The following FIZ1 variants were observed in gnomAD, a reference collection of about 807,000 sequenced individuals.
FIZ1 encodes the protein FLT3 interacting zinc finger 1, also known as flt3-interacting zinc finger protein 1.
In FIZ1, 2 loss-of-function variants were observed where a neutral mutation model predicts 5.3. The observed-to-expected ratio is 0.37, with a 90% CI of 0.15 to 1.18. FIZ1 has a LOEUF of 1.18. Ranked by LOEUF, FIZ1 falls within the 50% of genes most tolerant of loss-of-function variation. The pLI, the probability that FIZ1 is intolerant of heterozygous loss-of-function variation, is 0.37. For synonymous variants in FIZ1, 407 were observed against 364.2 expected (o/e 1.12, Z -1.34); for missense variants, 631 against 749.7 (o/e 0.84, Z 1.85).
At position 55,592,650 on chromosome 19, in the gene FIZ1, G is replaced by A. The variant is rs1222917710; in HGVS notation, c.1291C>T (p.Arg431Trp). The A allele has an allele frequency of 2.5e-6, 4 of 1,613,504 alleles. No homozygotes were observed. Among genetic ancestry groups the A allele is most frequent in the East Asian group, 2.2e-5 (1 of 44,870 alleles). The change falls in exon 3 of 3, where the codon CGG becomes TGG. Residue 431 changes from arginine (R) to tryptophan (W), a missense_variant. By Grantham distance (101) the Arg-to-Trp change is moderately radical (BLOSUM62 -3). Coordinates refer to ENST00000221665, the MANE Select transcript of FIZ1 (RefSeq NM_032836.3). This position sits in a 1 kb window ranked among gnomAD's most constrained non-coding sequence, Gnocchi z 6.9. Reference sequence around the variant, plus strand: ...TCGCCAGTGTGCACCAGCACGTGCCGCTCCAGGTCTCGCGGTGAGCGGAAC... The same window carrying A: ...TCGCCAGTGTGCACCAGCACGTGCCACTCCAGGTCTCGCGGTGAGCGGAAC... ...KLFRSPRDLE[R>W]HVLVHTGEKP...
chr19:55,594,322 C>T (rs537961912), intron 2 of FIZ1, among the ~76,000 whole-genome samples: 2 of 150,556 alleles, frequency 1.3e-5, no homozygotes, highest in East Asian at 2.0e-4. Flanking sequence ...TCACTTGAAC[C>T]CGGGAGGTGG....
In FIZ1 at chr19:55,597,733, G is replaced by A; in HGVS notation, c.133C>T (p.His45Tyr). The change falls in exon 2 of 3, where the codon CAC (histidine) becomes TAC (tyrosine). Residue 45 changes from histidine to tyrosine, a missense_variant. Coordinates refer to ENST00000221665, the MANE Select transcript of FIZ1 (RefSeq NM_032836.3). ...CATGCGTGGGGCTTGAGCGCTGTGT[G>A]CCGGGCAAAGTGGCGCCGCAGGTCT... ...RSDLRRHFARHTALKPHACPR... is the reference protein window; with the variant it reads ...RSDLRRHFARYTALKPHACPR... 1 of 1,614,034 alleles carries A rather than the reference G, an allele frequency of 6.2e-7. No individual in the cohort carries two copies. The highest frequency in any genetic ancestry group is 1.7e-5 in the Admixed American group (1 of 60,018).
intron 2 of FIZ1, among the ~76,000 whole-genome samples, chr19:55,594,025 C>G (rs560724513): frequency 6.6e-6 from 1 of 152,012 alleles, no homozygotes; most frequent in Admixed American, 6.5e-5. Flanking sequence ...AAGTTTGAGG[C>G]TGCAGTAAGC....
In FIZ1 at chr19:55,592,930, G is replaced by C; in HGVS notation, c.1011C>G (p.Thr337=). The change falls in exon 3 of 3, where the codon ACC becomes ACG. Residue 337 remains threonine (T), a synonymous_variant. Coordinates refer to ENST00000221665, the MANE Select transcript of FIZ1 (RefSeq NM_032836.3). This position sits in a 1 kb window ranked among gnomAD's most constrained non-coding sequence, Gnocchi z 6.9. Reference sequence around the variant, plus strand: ...CCAGGGCCGCGGCCGACGCAAAGAAGGTCCCGCAGTCGCACTGGTACAGGG... The same window carrying C: ...CCAGGGCCGCGGCCGACGCAAAGAACGTCCCGCAGTCGCACTGGTACAGGG... ...EDTLYQCDCG[T]FFASAAALAS... 1 of 1,555,868 alleles carries C rather than the reference G, an allele frequency of 6.4e-7. No homozygotes were observed. The highest frequency in any genetic ancestry group is 1.7e-4 in the Middle Eastern group (1 of 5,824).
intron 1 of FIZ1, 141 bp from the exon 2 acceptor site, chr19:55,598,042 T>A: frequency 2.0e-6 from 2 of 993,940 alleles, no homozygotes; most frequent in Non-Finnish European, 2.9e-6. Flanking sequence ...CATTGTTCTT[T>A]AAAATCCTCC....
intron 2 of FIZ1, among the ~76,000 whole-genome samples, chr19:55,596,314 T>C (rs1980323738): frequency 6.6e-6 from 1 of 151,910 alleles, no homozygotes; most frequent in Admixed American, 6.6e-5. Flanking sequence ...CCAAGGCAGA[T>C]GCATGGGGAC....
At position 55,592,698 on chromosome 19, in the gene FIZ1, C is replaced by A; in HGVS notation, c.1243G>T (p.Gly415Cys). The A allele has an allele frequency of 6.2e-7, 1 of 1,613,068 alleles. No individual in the cohort carries two copies. The highest frequency in any genetic ancestry group is 2.2e-5 in the East Asian group (1 of 44,852). ...SGSGRGKKIFGCSECEKLFRS... is the reference protein window; with the variant it reads ...SGSGRGKKIFCCSECEKLFRS... ...AACAGCTTCTCGCACTCGGAGCAGC[C>A]GAAGATCTTCTTGCCGCGGCCGGAG... The change falls in exon 3 of 3, where the codon GGC (glycine) becomes TGC (cysteine). Residue 415 changes from glycine to cysteine, a missense_variant. Physicochemically the swap from Gly to Cys is radical, Grantham distance 159. This residue lies in a region of FIZ1 where 463 missense variants were observed against 455.1 expected (regional missense o/e 1.02). Transcript: ENST00000221665. This position sits in a 1 kb window ranked among gnomAD's most constrained non-coding sequence, Gnocchi z 6.9.
chr19:55,592,270 C>T lies in FIZ1; in HGVS notation c.*180G>A. The stretch of plus-strand genomic sequence containing the variant: ...ACCCTGTTTGTTTGTGGTCCCCCAG[C>T]TCCGGGGCCTTTGTGGGTTTTTGGT... On this transcript the variant is annotated 3_prime_UTR_variant, in exon 3 of 3. Transcript: ENST00000221665. The surrounding 1 kb of genome is among the most constrained non-coding windows in gnomAD (Gnocchi z 6.9). 1 of 657,776 alleles carries T rather than the reference C, an allele frequency of 1.5e-6. No homozygotes were observed. The highest frequency in any genetic ancestry group is 2.9e-5 in the East Asian group (1 of 34,106). The allele number at this position is 657,776 out of a possible 1,614,324, so 40.7% of individuals were successfully genotyped here. A position where few individuals can be genotyped will look rare whatever the true frequency, so the allele number is the denominator to read the frequency against.
Position 55,592,155 on chromosome 19 carries a change from C to A in FIZ1, c.*295G>T. The A allele has an allele frequency of 2.3e-6, 1 of 443,996 alleles. No homozygotes were observed. The allele number at this position is 443,996 out of a possible 1,614,324, so 27.5% of individuals were successfully genotyped here. ...ATTGCTCACTGCAAAGTCCCCATGT[C>A]TTGGGGACTTACGGCTACCCACACT... On this transcript the variant is annotated 3_prime_UTR_variant, in exon 3 of 3. Transcript: ENST00000221665. The surrounding 1 kb of genome is among the most constrained non-coding windows in gnomAD (Gnocchi z 6.9).
In FIZ1 at chr19:55,593,416, C is replaced by T; in HGVS notation, c.525G>A (p.Glu175=). 2 of 1,501,496 alleles carry T rather than the reference C, an allele frequency of 1.3e-6. No individual in the cohort carries two copies. 93.0% of individuals were successfully genotyped at this position (1,501,496 alleles called of 1,614,324 possible). The change falls in exon 3 of 3, where the codon GAG becomes GAA. Residue 175 remains glutamate (E), a synonymous_variant. Coordinates refer to ENST00000221665, the MANE Select transcript of FIZ1 (RefSeq NM_032836.3). This position sits in a 1 kb window ranked among gnomAD's most constrained non-coding sequence, Gnocchi z 6.3. ...AGCTGCCCAGACCCGCGCCTGCCCCCTCGGGGCCCTCTCCGCCGCCGGCCC... is the reference window on the plus strand; with the variant it reads ...AGCTGCCCAGACCCGCGCCTGCCCCTTCGGGGCCCTCTCCGCCGCCGGCCC... ...GSGAGGGEGP[E]GAGAGLGSWG...
intron 2 of FIZ1, among the ~76,000 whole-genome samples, chr19:55,597,365 C>A (rs1302172716): frequency 2.0e-5 from 3 of 152,074 alleles, no homozygotes; most frequent in Admixed American, 2.0e-4. Flanking sequence ...TGTTCCAGTT[C>A]GTGGGTTGCT....
In FIZ1 at chr19:55,597,801, G is replaced by C; in HGVS notation, c.65C>G (p.Pro22Arg). ...APPAAAAPRV[P>R]FHCSECGKSF... ...CTTGCCACATTCACTGCAGTGAAACGGGACCCTGGGGGCGGCAGCGGCGGG... is the reference window on the plus strand; with the variant it reads ...CTTGCCACATTCACTGCAGTGAAACCGGACCCTGGGGGCGGCAGCGGCGGG... Residue 22 changes from proline (P) to arginine (R), a missense_variant, in exon 2 of 3, where the codon CCG (proline) becomes CGG (arginine). Physicochemically the swap from Pro to Arg is moderately radical, Grantham distance 103. Transcript: ENST00000221665. 1.2e-6 allele frequency: 2 copies of C among 1,613,638 alleles called. No individual in the cohort carries two copies. Among genetic ancestry groups the C allele is most frequent in the South Asian group, 1.1e-5 (1 of 91,064 alleles).
chr19:55,597,964 C>T, intron 1 of FIZ1, 63 bp from the exon 2 acceptor site: 6 of 1,459,030 alleles, frequency 4.1e-6, no homozygotes, highest in Non-Finnish European at 5.5e-6. Context: ...CTCTCTCCTC[C>T]CAGGTTCCCA....
chr19:55,598,001 C>T (rs762921536), intron 1 of FIZ1, 100 bp from the exon 2 acceptor site: 24 of 1,246,388 alleles, frequency 1.9e-5, no homozygotes, highest in South Asian at 1.1e-4. Context: ...CCTGGGAGAC[C>T]CTCCCACTGC....
rs759415322 is a variant in FIZ1 at position 55,593,674 on chromosome 19, G to C, written c.295-28C>G. ...AGGGGTGCGGGAGGAAGGGCACAAC[G>C]TCAGGGCTGAGAACCTAGCCCGGAC... On this transcript the variant is annotated intron_variant, in intron 2 of 2. Coordinates refer to ENST00000221665, the MANE Select transcript of FIZ1 (RefSeq NM_032836.3). This position sits in a 1 kb window ranked among gnomAD's most constrained non-coding sequence, Gnocchi z 6.3. 6.5e-7 allele frequency: 1 copy of C among 1,544,648 alleles called. No individual in the cohort carries two copies. The highest frequency in any genetic ancestry group is 8.8e-7 in the Non-Finnish European group (1 of 1,141,632).
At chr19:55,594,415 AGCCCGGGT>A (rs1161979114) in intron 2 of FIZ1, among the ~76,000 whole-genome samples, 1 of 127,264 alleles carries the variant, frequency 7.9e-6, no homozygotes, top group Non-Finnish European at 1.6e-5. Context: ...AAAAAAAAAA[AGCCCGGGT>A]GCGGTGGCTC....
intron 2 of FIZ1, among the ~76,000 whole-genome samples, chr19:55,596,583 C>A (rs1190118533): frequency 8.2e-6 from 1 of 121,416 alleles, no homozygotes; most frequent in East Asian, 2.4e-4. Context: ...TGCAGGTTGG[C>A]TCAGGTATCA....
Position 55,592,373 on chromosome 19 carries a change from C to G in FIZ1, c.*77G>C. 1 of 1,353,204 alleles carries G rather than the reference C, an allele frequency of 7.4e-7. No individual in the cohort carries two copies. Among genetic ancestry groups the G allele is most frequent in the Non-Finnish European group, 9.9e-7 (1 of 1,013,024 alleles). The allele number at this position is 1,353,204 out of a possible 1,614,324, so 83.8% of individuals were successfully genotyped here. ...TTGGATTTGGAGGGCCGGGGCCTCA[C>G]GCGCAGTCCCGAGGTCCCCTGGTCC... On this transcript the variant is annotated 3_prime_UTR_variant, in exon 3 of 3. Transcript: ENST00000221665. This position sits in a 1 kb window ranked among gnomAD's most constrained non-coding sequence, Gnocchi z 6.9.
intron 1 of FIZ1, 180 bp from the exon 2 acceptor site, chr19:55,598,081 C>A: frequency 1.3e-6 from 1 of 744,446 alleles, no homozygotes; most frequent in Non-Finnish European, 2.1e-6. Flanking sequence ...TCTCTCGCGG[C>A]TCCACGCCTG....
Sources: gnomAD v4.1 joint callset for allele counts (sites outside exome capture counted in the v4.1 genomes callset) on GRCh38, gnomAD v4.1.1 for gene constraint, gnomAD v4.1.1 regional missense constraint, Gnocchi (gnomAD v3.1) non-coding constraint, MANE v1.5 for transcripts, NCBI Gene and HGNC (gene_info 2026-07-23, HGNC 2026-07-21) for gene names.